The following CACNA1D variants were observed in gnomAD, a reference collection of about 807,000 sequenced individuals.
CACNA1D encodes voltage-dependent L-type calcium channel subunit alpha-1D.
CACNA1D carries 55 observed loss-of-function variants against 257.1 expected under a neutral mutation model. The ratio of observed to expected loss-of-function variants is 0.21; its 90% CI spans 0.17 to 0.27. The LOEUF (loss-of-function observed/expected upper bound fraction) is 0.27. Among genes scored for constraint, CACNA1D ranks in the 10% least tolerant of loss-of-function variants. The probability of loss-of-function intolerance (pLI) is 1.00; values close to 1 mark genes in which losing one functional copy is unlikely to be tolerated. For missense variants in CACNA1D, 1,876 were observed against 2,784.0 expected, an observed-to-expected ratio of 0.67 and a Z score of 7.34; for synonymous variants, 980 against 1,014.9, an observed-to-expected ratio of 0.97 and a Z score of 0.65.
rs1321726799 is a variant in CACNA1D at position 53,776,884 on chromosome 3, G to C, written c.4515G>C (p.Val1505=). ...GGGGAAGGATAAAACACCTTGATGT[G>C]GTCACTCTGCTTCGACGCATCCAGC... ...EAKGRIKHLD[V]VTLLRRIQPP... Residue 1505 remains valine (V), a synonymous_variant, in exon 37 of 48, where the codon GTG becomes GTC. Coordinates refer to ENST00000350061, the MANE Select transcript of CACNA1D (RefSeq NM_001128840.3). 2 of 1,613,992 alleles carry C rather than the reference G, an allele frequency of 1.2e-6. No individual in the cohort carries two copies. The highest frequency in any genetic ancestry group is 2.7e-5 in the African/African-American group (2 of 74,914).
chr3:53,723,470 G>A lies in CACNA1D; in HGVS notation c.1703G>A (p.Cys568Tyr). ...AAAGTCCTCTTGGCTCTGTTCACCT[G>A]CGAGATGCTGGTAAAAATGTACAGC... ...ANKVLLALFT[C>Y]EMLVKMYSLG... Residue 568 changes from cysteine (C) to tyrosine (Y), a missense_variant, in exon 13 of 48, where the codon TGC becomes TAC. Coordinates refer to ENST00000350061, the MANE Select transcript of CACNA1D (RefSeq NM_001128840.3). The surrounding 1 kb of genome is among the most constrained non-coding windows in gnomAD (Gnocchi z 5.6). 1 of 1,614,162 alleles carries A rather than the reference G, an allele frequency of 6.2e-7. No homozygotes were observed. Among genetic ancestry groups the A allele is most frequent in the Non-Finnish European group, 8.5e-7 (1 of 1,180,036 alleles).
chr3:53,761,501 A>G (rs2095301990), intron 29 of CACNA1D, among the ~76,000 whole-genome samples: 1 of 152,244 alleles, frequency 6.6e-6, no homozygotes, highest in Non-Finnish European at 1.5e-5. Context: ...GGCCTTTGTA[A>G]TACAGGCTGG....
chr3:53,677,186 G>A (rs1320934865), intron 8 of CACNA1D, among the ~76,000 whole-genome samples: 1 of 152,140 alleles, frequency 6.6e-6, no homozygotes, highest in Non-Finnish European at 1.5e-5. Flanking sequence ...CCATTTCAGG[G>A]CCCACCTGCC....
intron 37 of CACNA1D, among the ~76,000 whole-genome samples, chr3:53,779,245 C>T (rs554159560): frequency 1.3e-4 from 20 of 152,256 alleles, no homozygotes; most frequent in African/African-American, 4.6e-4. Flanking sequence ...TGAAGTTTCA[C>T]GGTTTAAAAA....
intron 3 of CACNA1D, among the ~76,000 whole-genome samples, chr3:53,559,318 A>C (rs1323686691): frequency 6.6e-6 from 1 of 152,098 alleles, no homozygotes; most frequent in Non-Finnish European, 1.5e-5. Context: ...TATCTATGCT[A>C]TCTTGGGGTT....
chr3:53,809,857 C>G (rs1340467399), intron 46 of CACNA1D, 121 bp from the exon 47 acceptor site: 1 of 883,088 alleles, frequency 1.1e-6, no homozygotes, highest in African/African-American at 1.6e-5. Flanking sequence ...CATGTCCTTT[C>G]CAAGTCCTTG....
intron 47 of CACNA1D, among the ~76,000 whole-genome samples, chr3:53,810,901 C>G (rs375111594): frequency 1.3e-4 from 19 of 151,578 alleles, no homozygotes; most frequent in East Asian, 3.9e-4. Context: ...GGGTTTCACT[C>G]TTGTTGGGCC....
At chr3:53,786,091 T>C (rs2095451262) in intron 39 of CACNA1D, 1 of 152,434 alleles carries the variant, frequency 6.6e-6, no homozygotes, top group Non-Finnish European at 1.5e-5. Context: ...TTCTGCCTCA[T>C]GCATCACCTT....
chr3:53,610,549 C>A (rs1405121999), intron 3 of CACNA1D, among the ~76,000 whole-genome samples: 2 of 152,170 alleles, frequency 1.3e-5, no homozygotes, highest in Admixed American at 6.5e-5. Context: ...TATTAAGGTA[C>A]ACCTACCTTG....
intron 3 of CACNA1D, among the ~76,000 whole-genome samples, chr3:53,509,457 CTT>C (rs1295521691): frequency 6.6e-6 from 1 of 152,230 alleles, no homozygotes; most frequent in African/African-American, 2.4e-5. Flanking sequence ...AAATGACTTT[CTT>C]CTCCAGAACT....
chr3:53,808,861 C>A, intron 46 of CACNA1D, 91 bp downstream of exon 46: 6 of 1,347,646 alleles, frequency 4.5e-6, no homozygotes, highest in African/African-American at 2.9e-5. Context: ...GCCTTAAGCA[C>A]CAGGAGGGAA....
chr3:53,560,040 T>G (rs1478099375), intron 3 of CACNA1D, among the ~76,000 whole-genome samples: 1 of 151,440 alleles, frequency 6.6e-6, no homozygotes, highest in Non-Finnish European at 1.5e-5. Flanking sequence ...TACAGATAAT[T>G]TCTCTGAACA....
At position 53,735,571 on chromosome 3, in the gene CACNA1D, G is replaced by A. The variant is rs2095049613; in HGVS notation, c.2751+68G>A. On this transcript the variant is annotated intron_variant, in intron 20 of 47. Coordinates refer to ENST00000350061, the MANE Select transcript of CACNA1D (RefSeq NM_001128840.3). The stretch of plus-strand genomic sequence containing the variant: ...TCTCTCGGGCAGAGGCCACTGTAGA[G>A]ATGGGAGCTGTGGAGGCCCTCAAGG... 5 of 1,574,274 alleles carry A rather than the reference G, an allele frequency of 3.2e-6. No homozygotes were observed. In the South Asian group the frequency reaches 4.4e-5, roughly 14 times the overall value.
At chr3:53,746,793 A>G (rs987618656) in intron 25 of CACNA1D, among the ~76,000 whole-genome samples, 2 of 152,264 alleles carry the variant, frequency 1.3e-5, no homozygotes, top group African/African-American at 4.8e-5. Context: ...GGTTCCTTCC[A>G]GAAATGAAGT....
chr3:53,503,844 C>G (rs1195451472), intron 3 of CACNA1D, among the ~76,000 whole-genome samples: 2 of 151,668 alleles, frequency 1.3e-5, no homozygotes, highest in African/African-American at 4.8e-5. Context: ...ATTCCTTTGA[C>G]CTCTTCATAT....
At chr3:53,784,793 G>A (rs553944614) in intron 39 of CACNA1D, among the ~76,000 whole-genome samples, 6 of 152,310 alleles carry the variant, frequency 3.9e-5, no homozygotes, top group South Asian at 2.1e-4. Context: ...GTGCAGCCTG[G>A]GAAAGGGATA....
At chr3:53,651,677 C>T (rs962178465) in intron 4 of CACNA1D, among the ~76,000 whole-genome samples, 1 of 152,146 alleles carries the variant, frequency 6.6e-6, no homozygotes, top group African/African-American at 2.4e-5. Context: ...GTCTTTGGAC[C>T]AAATACCCAT....
intron 45 of CACNA1D, 36 bp downstream of exon 45, chr3:53,805,182 C>G (rs371823136): frequency 2.6e-5 from 42 of 1,599,778 alleles, no homozygotes; most frequent in Non-Finnish European, 3.5e-5. Context: ...TGGAACCTCC[C>G]GGGGAACAGT....
rs1027566589 is a variant in CACNA1D, at chr3:53,686,757, C to T, written c.1220+13631C>T. Among the ~76,000 whole-genome samples, 3 of 151,810 alleles carry T rather than the reference C, an allele frequency of 2.0e-5. 1 individual carries two copies. In the South Asian group the frequency reaches 6.2e-4, roughly 32 times the overall value. On this transcript the variant is annotated intron_variant, in intron 8 of 47. Transcript: ENST00000350061. ...TTCTTAAGATTAGGAACAAAGTAAC[C>T]ATTTTTCTATCTTCTTTTATTCAAT...
Sources: allele counts gnomAD v4.1 joint callset (sites outside exome capture counted in the v4.1 genomes callset), GRCh38; gene constraint gnomAD v4.1.1; non-coding constraint Gnocchi (gnomAD v3.1); transcripts MANE v1.5; gene names NCBI Gene and HGNC (gene_info 2026-07-23, HGNC 2026-07-21).